The following RRAS2 variants were observed in gnomAD, a reference collection of about 807,000 sequenced individuals.
RRAS2 encodes ras-related protein R-Ras2.
A neutral mutation model predicts 27.6 loss-of-function variants in RRAS2; 7 were observed. The ratio of observed to expected loss-of-function variants is 0.25; its 90% CI spans 0.14 to 0.48. RRAS2 has a LOEUF of 0.48. Among genes scored for constraint, RRAS2 ranks in the 20% least tolerant of loss-of-function variants. RRAS2 has a pLI of 0.99. For missense variants in RRAS2, 178 were observed against 256.2 expected (o/e 0.69, Z 2.08); for synonymous variants, 86 against 90.9 (o/e 0.95, Z 0.31).
chr11:14,313,340 C>T (rs1171528586), intron 1 of RRAS2, among the ~76,000 whole-genome samples: 3 of 152,150 alleles, frequency 2.0e-5, no homozygotes, highest in Admixed American at 6.6e-5. Context: ...ACATGTAACT[C>T]TGAATCACAT....
chr11:14,354,206 G>A (rs2134041887), intron 1 of RRAS2, among the ~76,000 whole-genome samples: 1 of 152,224 alleles, frequency 6.6e-6, no homozygotes, highest in East Asian at 1.9e-4. Flanking sequence ...GCAATGCTGG[G>A]TCCAGACTAA....
intron 1 of RRAS2, among the ~76,000 whole-genome samples, chr11:14,331,548 A>G (rs1465162497): frequency 6.6e-6 from 1 of 152,038 alleles, no homozygotes; most frequent in Non-Finnish European, 1.5e-5. Flanking sequence ...ATTTTGTTAT[A>G]AGGTTCTGGC....
chr11:14,341,733 G>A (rs1453537082), intron 1 of RRAS2: 3 of 430,026 alleles, frequency 7.0e-6, no homozygotes, highest in Non-Finnish European at 1.4e-5. Flanking sequence ...AGTTAAGTCA[G>A]AGTACATTCT....
rs1554943978 is a variant in RRAS2 at position 14,279,424 on chromosome 11, C to T, written c.528G>A (p.Arg176=). Residue 176 remains arginine (R), a splice_region_variant and synonymous_variant, in exon 6 of 6, where the codon AGG becomes AGA. Coordinates refer to ENST00000256196, the MANE Select transcript of RRAS2 (RefSeq NM_012250.6). ...GAGGACATTCCTGCTCTTGAAATTTCCTGTAAGATAAAAAATTCTAAAATA... is the reference window on the plus strand; with the variant it reads ...GAGGACATTCCTGCTCTTGAAATTTTCTGTAAGATAAAAAATTCTAAAATA... The part of the protein sequence containing the change: ...QAFHELVRVI[R]KFQEQECPPS... 6.2e-7 allele frequency: 1 copy of T among 1,607,940 alleles called. No homozygotes were observed. Among genetic ancestry groups the T allele is most frequent in the Non-Finnish European group, 8.5e-7 (1 of 1,174,680 alleles).
At chr11:14,320,237 G>A (rs1554950102) in intron 1 of RRAS2, among the ~76,000 whole-genome samples, 5 of 152,166 alleles carry the variant, frequency 3.3e-5, no homozygotes, top group Non-Finnish European at 7.3e-5. Flanking sequence ...GCAATTGAGT[G>A]AAACATACAA....
chr11:14,333,688 C>T (rs1390802706), intron 1 of RRAS2, among the ~76,000 whole-genome samples: 1 of 146,830 alleles, frequency 6.8e-6, no homozygotes, highest in Non-Finnish European at 1.5e-5. Context: ...GTCGCCCAGG[C>T]TGGAGTGCAG....
chr11:14,358,804 C>G lies in RRAS2; in HGVS notation c.67G>C (p.Gly23Arg). Residue 23 changes from glycine to arginine, a missense_variant, in exon 1 of 6, where the codon GGC (glycine) becomes CGC (arginine). Coordinates refer to ENST00000256196, the MANE Select transcript of RRAS2 (RefSeq NM_012250.6). This position sits in a 1 kb window ranked among gnomAD's most constrained non-coding sequence, Gnocchi z 5.1. ...GTGAGCGCCGACTTGCCCACGCCGC[C>G]CCCGCCGACCACCACGAGCCGGTAC... ...EKYRLVVVGG[G>R]GVGKSALTIQ... is the part of the protein sequence containing the mutation. 1.3e-6 allele frequency: 2 copies of G among 1,491,908 alleles called. No individual in the cohort carries two copies. The highest frequency in any genetic ancestry group is 1.8e-6 in the Non-Finnish European group (2 of 1,114,714). 92.4% of individuals were successfully genotyped at this position (1,491,908 alleles called of 1,614,324 possible).
intron 1 of RRAS2, among the ~76,000 whole-genome samples, chr11:14,340,127 G>C (rs1265924806): frequency 1.5e-5 from 2 of 135,154 alleles, no homozygotes; most frequent in Non-Finnish European, 3.2e-5. Flanking sequence ...AACAGAGTCT[G>C]TCCCTCTGTC....
chr11:14,339,125 T>C (rs781987269), intron 1 of RRAS2, among the ~76,000 whole-genome samples: 94 of 152,098 alleles, frequency 6.2e-4, no homozygotes, highest in Admixed American at 1.1e-3. Flanking sequence ...TGCTTTAACC[T>C]TTACAAGGAA....
At chr11:14,352,675 TG>T (rs35004543) in intron 1 of RRAS2, among the ~76,000 whole-genome samples, 151,904 of 151,904 alleles carry the variant, frequency 1, 75,952 homozygotes, top group Non-Finnish European at 1. Flanking sequence ...AAAAAAGGCG[TG>T]TCAAGTGGCA....
intron 1 of RRAS2, among the ~76,000 whole-genome samples, chr11:14,323,220 G>A (rs1424017782): frequency 6.6e-6 from 1 of 152,160 alleles, no homozygotes; most frequent in Non-Finnish European, 1.5e-5. Context: ...GCTGAGATGA[G>A]AGGATCACTT....
At chr11:14,293,505 AC>A (rs1554946122) in intron 4 of RRAS2, among the ~76,000 whole-genome samples, 1 of 151,188 alleles carries the variant, frequency 6.6e-6, no homozygotes, top group Non-Finnish European at 1.5e-5. Flanking sequence ...AGTTCCCATA[AC>A]CCCCACGTGT....
intron 1 of RRAS2, among the ~76,000 whole-genome samples, chr11:14,338,499 T>C (rs1302990295): frequency 1.3e-5 from 2 of 152,204 alleles, no homozygotes; most frequent in Non-Finnish European, 2.9e-5. Context: ...CACATATTTT[T>C]AATAATTCTG....
At chr11:14,286,774 T>C (rs1554945101) in intron 4 of RRAS2, among the ~76,000 whole-genome samples, 1 of 152,256 alleles carries the variant, frequency 6.6e-6, no homozygotes, top group Admixed American at 6.5e-5. Context: ...ACTTTTAAAT[T>C]TACCTTGTCT....
chr11:14,293,814 A>G (rs1847476583), intron 4 of RRAS2, among the ~76,000 whole-genome samples: 1 of 152,174 alleles, frequency 6.6e-6, no homozygotes, highest in Non-Finnish European at 1.5e-5. Context: ...TTAATATACA[A>G]CTGACCTTGT....
chr11:14,281,348 G>A (rs1436576368), intron 5 of RRAS2, among the ~76,000 whole-genome samples: 1 of 152,168 alleles, frequency 6.6e-6, no homozygotes, highest in Non-Finnish European at 1.5e-5. Context: ...AAAGTTAGCT[G>A]CTGTCATCAC....
At position 14,358,435 on chromosome 11, in the gene RRAS2, G is replaced by A. The variant is rs1331764837; in HGVS notation, c.108+328C>T. The A allele has an allele frequency of 5.1e-6, 5 of 985,454 alleles. No homozygotes were observed. Among genetic ancestry groups the A allele is most frequent in the African/African-American group, 1.7e-5 (1 of 57,330 alleles). 61.0% of individuals were successfully genotyped at this position (985,454 alleles called of 1,614,324 possible). On this transcript the variant is annotated intron_variant, in intron 1 of 5. Coordinates refer to ENST00000256196, the MANE Select transcript of RRAS2 (RefSeq NM_012250.6). This position sits in a 1 kb window ranked among gnomAD's most constrained non-coding sequence, Gnocchi z 5.1. ...CCGGACCCTCGGAGCAGTAAAGCCC[G>A]GCTCGGTGGCCCAGCCTCTCCCGGA...
intron 1 of RRAS2, among the ~76,000 whole-genome samples, chr11:14,328,895 C>A (rs1848424208): frequency 6.6e-6 from 1 of 151,666 alleles, no homozygotes; most frequent in Non-Finnish European, 1.5e-5. Context: ...AACTGCCAAC[C>A]TCAGGTGATC....
intron 1 of RRAS2, among the ~76,000 whole-genome samples, chr11:14,342,504 T>C (rs1350305783): frequency 6.6e-6 from 1 of 152,158 alleles, no homozygotes; most frequent in Admixed American, 6.6e-5. Flanking sequence ...CTGCTCCTAA[T>C]TAAAAAACAA....
Sources: allele counts gnomAD v4.1 joint callset (sites outside exome capture counted in the v4.1 genomes callset), GRCh38; gene constraint gnomAD v4.1.1; non-coding constraint Gnocchi (gnomAD v3.1); transcripts MANE v1.5; gene names NCBI Gene and HGNC (gene_info 2026-07-23, HGNC 2026-07-21).